The following SGCD variants were observed in gnomAD, a reference collection of about 807,000 sequenced individuals.
SGCD encodes sarcoglycan delta, also known as delta-sarcoglycan.
In SGCD, 18 loss-of-function variants were observed where a neutral mutation model predicts 36.6. The ratio of observed to expected loss-of-function variants is 0.49; its 90% confidence interval spans 0.34 to 0.73. The LOEUF (loss-of-function observed/expected upper bound fraction) is 0.73, where lower values mean the gene tolerates loss of function less well. SGCD is among the 30% of genes least tolerant of loss of function. The pLI, the probability that SGCD is intolerant of heterozygous loss-of-function variation, is 0.01. For missense variants in SGCD, 387 were observed against 346.7 expected, an observed-to-expected ratio of 1.12 and a Z score of -0.92; for synonymous variants, 133 against 130.6, an observed-to-expected ratio of 1.02 and a Z score of -0.12.
At chr5:156,709,427 GAA>G (rs1754886942) in intron 7 of SGCD, among the ~76,000 whole-genome samples, 1 of 152,210 alleles carries the variant, frequency 6.6e-6, no homozygotes, top group Admixed American at 6.5e-5. Flanking sequence ...ACATGCAAGT[GAA>G]GTACTTGCAC....
chr5:155,904,947 C>T (rs557315853), intron 1 of SGCD, among the ~76,000 whole-genome samples: 11 of 152,210 alleles, frequency 7.2e-5, no homozygotes, highest in South Asian at 2.1e-4. Context: ...TGTGAGTCTC[C>T]GTTTCTTCTT....
intron 1 of SGCD, among the ~76,000 whole-genome samples, chr5:155,876,141 T>C (rs1402750727): frequency 6.6e-6 from 1 of 151,184 alleles, no homozygotes; most frequent in African/African-American, 2.4e-5. Context: ...GCTGGTGCGC[T>C]GCACCCACTA....
chr5:156,732,809 T>C (rs985886511), intron 7 of SGCD, among the ~76,000 whole-genome samples: 2 of 152,174 alleles, frequency 1.3e-5, no homozygotes, highest in African/African-American at 2.4e-5. Context: ...GTCTTCCTGG[T>C]TCTGTCTAGG....
chr5:155,874,834 T>A (rs1755733200), intron 1 of SGCD, among the ~76,000 whole-genome samples: 1 of 152,162 alleles, frequency 6.6e-6, no homozygotes, highest in Non-Finnish European at 1.5e-5. Context: ...ATGCTACCAC[T>A]GCTTTGGAAA....
At chr5:155,825,138 TC>T in the SGCD span, among the ~76,000 whole-genome samples, 2 of 152,150 alleles carry the variant, frequency 1.3e-5, no homozygotes, top group Non-Finnish European at 2.9e-5. Flanking sequence ...TCTCCTGTAA[TC>T]CATGATTGCG....
At chr5:155,797,146 ATAACC>A in the SGCD span, among the ~76,000 whole-genome samples, 1 of 152,192 alleles carries the variant, frequency 6.6e-6, no homozygotes, top group Non-Finnish European at 1.5e-5. Flanking sequence ...CTTGAAAAAC[ATAACC>A]TACCAAAACT....
At chr5:155,759,288 A>G in the SGCD span, among the ~76,000 whole-genome samples, 1 of 152,200 alleles carries the variant, frequency 6.6e-6, no homozygotes, top group African/African-American at 2.4e-5. Context: ...TCAGTTATAT[A>G]ACATGTAGAA....
At chr5:155,755,692 T>G in the SGCD span, among the ~76,000 whole-genome samples, 1 of 152,114 alleles carries the variant, frequency 6.6e-6, no homozygotes, top group African/African-American at 2.4e-5. Flanking sequence ...GATCCTTCTG[T>G]GTTCTTGTAA....
chr5:155,764,731 T>G, the SGCD span, among the ~76,000 whole-genome samples: 1 of 152,002 alleles, frequency 6.6e-6, no homozygotes, highest in Non-Finnish European at 1.5e-5. Flanking sequence ...AAGTGAGTGT[T>G]TTCTGTAAAA....
chr5:155,966,971 GTGTATGTGTGTATA>G (rs1757914874), intron 1 of SGCD, among the ~76,000 whole-genome samples: 1 of 149,682 alleles, frequency 6.7e-6, no homozygotes, highest in African/African-American at 2.5e-5. Flanking sequence ...GTGTGTGTAT[GTGTATGTGTGTATA>G]TGTGTGCGTA....
intron 3 of SGCD, among the ~76,000 whole-genome samples, chr5:156,232,860 C>T (rs1419717973): frequency 6.6e-6 from 1 of 152,158 alleles, no homozygotes; most frequent in African/African-American, 2.4e-5. Context: ...AGTGTTTTAA[C>T]TTTCATTAAA....
intron 3 of SGCD, among the ~76,000 whole-genome samples, chr5:156,277,826 C>A (rs1205214324): frequency 1.3e-5 from 2 of 152,158 alleles, no homozygotes; most frequent in Non-Finnish European, 2.9e-5. Context: ...ATATCTCCAA[C>A]TATTTGTATC....
At position 156,241,831 on chromosome 5, in the gene SGCD, G is replaced by A. The variant is rs76876554; in HGVS notation, c.-43-87703G>A. On this transcript the variant is annotated intron_variant, in intron 3 of 9. Transcript: ENST00000517913. ...CTTGCACAATGTTTACACTCACTAC[G>A]GCCACTTAGTATTCCCCTTTTTACT... is the stretch of plus-strand genomic sequence containing the variant. Among the ~76,000 whole-genome samples, 474 of 152,152 alleles carry A rather than the reference G, an allele frequency of 3.1e-3. 3 individuals carry two copies. The highest frequency in any genetic ancestry group is 0.011 in the African/African-American group (449 of 41,512).
At chr5:155,943,398 A>G (rs1473382008) in intron 1 of SGCD, among the ~76,000 whole-genome samples, 2 of 152,018 alleles carry the variant, frequency 1.3e-5, no homozygotes, top group Non-Finnish European at 2.9e-5. Context: ...AAAGGGAAGA[A>G]TCTACCCTGG....
At chr5:156,254,702 T>C (rs1426519235) in intron 3 of SGCD, among the ~76,000 whole-genome samples, 1 of 151,970 alleles carries the variant, frequency 6.6e-6, no homozygotes, top group African/African-American at 2.4e-5. Context: ...AAAAAATTAT[T>C]TGGGCATGGT....
At chr5:156,246,467 A>G (rs941795827) in intron 3 of SGCD, among the ~76,000 whole-genome samples, 2 of 152,134 alleles carry the variant, frequency 1.3e-5, no homozygotes, top group African/African-American at 4.8e-5. Flanking sequence ...TGAAGACACA[A>G]TATTGATGGG....
chr5:156,050,131 A>G (rs1759877826), intron 1 of SGCD, among the ~76,000 whole-genome samples: 1 of 146,918 alleles, frequency 6.8e-6, no homozygotes, highest in Admixed American at 6.8e-5. Context: ...TACTTTGGGT[A>G]AAATACTCTC....
intron 1 of SGCD, among the ~76,000 whole-genome samples, chr5:155,909,855 T>A (rs936716918): frequency 2.0e-5 from 3 of 152,158 alleles, no homozygotes; most frequent in Non-Finnish European, 4.4e-5. Context: ...AAGGGTTTTT[T>A]AAAGAGAATT....
intron 3 of SGCD, among the ~76,000 whole-genome samples, chr5:156,317,051 G>A (rs913501272): frequency 2.6e-5 from 4 of 152,108 alleles, no homozygotes; most frequent in Non-Finnish European, 4.4e-5. Context: ...AGAATTAATT[G>A]TGATAATTAA....
Sources: allele counts gnomAD v4.1 joint callset (sites outside exome capture counted in the v4.1 genomes callset), GRCh38; gene constraint gnomAD v4.1.1; transcripts MANE v1.5; gene names NCBI Gene and HGNC (gene_info 2026-07-23, HGNC 2026-07-21).